ADCY3: variants seen among roughly 807,000 people sequenced by gnomAD.
ADCY3 encodes the protein adenylate cyclase type 3.
ADCY3 carries 70 observed loss-of-function variants against 119.4 expected under a neutral mutation model. The observed-to-expected ratio is 0.59, with a 90% CI of 0.48 to 0.72. The LOEUF is 0.72. Among genes scored for constraint, ADCY3 ranks in the 30% least tolerant of loss-of-function variants. ADCY3 has a pLI of 0.00. For synonymous variants in ADCY3, 672 were observed against 621.4 expected, an observed-to-expected ratio of 1.08 and a Z score of -1.21; for missense variants, 1,238 against 1,541.6, an observed-to-expected ratio of 0.80 and a Z score of 3.30.
chr2:24,831,585 T>TC (rs1358544598), intron 12 of ADCY3, 77 bp downstream of exon 12: 1 of 1,152,426 alleles, frequency 8.7e-7, no homozygotes, highest in African/African-American at 1.5e-5. Context: ...AAAGAATAAC[T>TC]CCATCACTGC....
rs1041723231 is a variant in ADCY3 at position 24,872,413 on chromosome 2, G to C, written c.825+157C>G. Among the ~76,000 whole-genome samples the C allele has an allele frequency of 2.6e-5, 4 of 152,214 alleles. No individual in the cohort carries two copies. The highest frequency in any genetic ancestry group is 9.6e-5 in the African/African-American group (4 of 41,462). ...TCAGAAGCTGCCCTCTAATAGTGAG[G>C]AGCCCAGAAGACAAAGTTCAGAAGC... On this transcript the variant is annotated intron_variant, in intron 3 of 21. Coordinates refer to ENST00000679454, the MANE Select transcript of ADCY3 (RefSeq NM_004036.5). The surrounding 1 kb of genome is among the most constrained non-coding windows in gnomAD (Gnocchi z 4.4).
At chr2:24,855,197 C>G (rs547294523) in intron 3 of ADCY3, among the ~76,000 whole-genome samples, 5 of 150,916 alleles carry the variant, frequency 3.3e-5, no homozygotes, top group African/African-American at 9.8e-5. Flanking sequence ...AGGTCCCCCC[C>G]ACCCCCTTCT....
At chr2:24,879,815 G>A (rs1048870537) in intron 2 of ADCY3, among the ~76,000 whole-genome samples, 5 of 152,086 alleles carry the variant, frequency 3.3e-5, no homozygotes, top group African/African-American at 7.2e-5. Context: ...TGTGATGGGT[G>A]TCTGCCAAGG....
chr2:24,914,485 C>T (rs1664192970), intron 2 of ADCY3, among the ~76,000 whole-genome samples: 1 of 152,078 alleles, frequency 6.6e-6, no homozygotes, highest in Non-Finnish European at 1.5e-5. Flanking sequence ...CCAGCCTGGC[C>T]AACATGGTGA....
chr2:24,882,041 C>A (rs1040542456), intron 2 of ADCY3, among the ~76,000 whole-genome samples: 2 of 152,212 alleles, frequency 1.3e-5, no homozygotes, highest in African/African-American at 4.8e-5. Flanking sequence ...TTTTTCTTGA[C>A]CTTTTCTACC....
chr2:24,882,677 T>C (rs1200748531), intron 2 of ADCY3, among the ~76,000 whole-genome samples: 2 of 152,210 alleles, frequency 1.3e-5, no homozygotes, highest in South Asian at 2.1e-4. Flanking sequence ...TTCAACTCTA[T>C]TGAATACTCT....
rs142093233 is a variant in ADCY3 at position 24,837,026 on chromosome 2, G to C, written c.1553C>G (p.Pro518Arg). The change falls in exon 9 of 22, where the codon CCA becomes CGA. Residue 518 changes from proline (P) to arginine (R), a missense_variant. Pro to Arg is a moderately radical substitution (Grantham distance 103). Transcript: ENST00000679454. ...AGGGGAGCTGGACTTTGAGGAAGCT[G>C]GTGCTCCATTGGGCAGGGCCTAGAG... ...LNGSALPNGA[P>R]ASSKSSSPAL... 6.1e-5 allele frequency: 98 copies of C among 1,614,058 alleles called. No individual in the cohort carries two copies. The African/African-American group carries it at 1.2e-3, about 20-fold the overall frequency.
At chr2:24,855,619 C>T (rs753984085) in intron 3 of ADCY3, among the ~76,000 whole-genome samples, 1 of 152,126 alleles carries the variant, frequency 6.6e-6, no homozygotes, top group Non-Finnish European at 1.5e-5. Flanking sequence ...AAGTCAAGGC[C>T]CTGACCCTCT....
At chr2:24,905,294 C>T (rs1410651696) in intron 2 of ADCY3, among the ~76,000 whole-genome samples, 4 of 152,026 alleles carry the variant, frequency 2.6e-5, no homozygotes, top group South Asian at 2.1e-4. Flanking sequence ...CCACCACACC[C>T]GGCTGATTTT....
intron 3 of ADCY3, among the ~76,000 whole-genome samples, chr2:24,844,865 T>C (rs988238778): frequency 1.2e-4 from 18 of 152,196 alleles, no homozygotes; most frequent in Non-Finnish European, 7.3e-5. Flanking sequence ...GAATTGTATC[T>C]CCCAGAATTC....
At chr2:24,865,637 T>G (rs1270082831) in intron 3 of ADCY3, among the ~76,000 whole-genome samples, 3 of 151,936 alleles carry the variant, frequency 2.0e-5, no homozygotes, top group Non-Finnish European at 4.4e-5. Context: ...GTGGGATGAC[T>G]TACTTTTCCT....
chr2:24,867,504 T>C (rs1344839), intron 3 of ADCY3, among the ~76,000 whole-genome samples: 7,079 of 152,268 alleles, frequency 0.046, 544 homozygotes, highest in African/African-American at 0.16. Context: ...GGTGCCTTGA[T>C]CTTGGACTTC....
intron 3 of ADCY3, among the ~76,000 whole-genome samples, chr2:24,869,068 A>G (rs1369465235): frequency 6.6e-6 from 1 of 152,208 alleles, no homozygotes; most frequent in Non-Finnish European, 1.5e-5. Flanking sequence ...CAAAGAAAGC[A>G]ACAAAGATTA....
intron 12 of ADCY3, among the ~76,000 whole-genome samples, 170 bp from the exon 13 acceptor site, chr2:24,830,995 G>A (rs555211275): frequency 2.0e-5 from 3 of 152,154 alleles, no homozygotes; most frequent in Non-Finnish European, 2.9e-5. Flanking sequence ...AGAAGAGGGC[G>A]TGGGAGTTCT....
chr2:24,830,456 G>A (rs1669332215), intron 13 of ADCY3, among the ~76,000 whole-genome samples: 1 of 152,166 alleles, frequency 6.6e-6, no homozygotes, highest in African/African-American at 2.4e-5. Flanking sequence ...GCACAGGCCT[G>A]GGCACATGGA....
chr2:24,853,507 T>C (rs1672637410), intron 3 of ADCY3, among the ~76,000 whole-genome samples: 1 of 145,890 alleles, frequency 6.9e-6, no homozygotes. Flanking sequence ...CATCGCTCTG[T>C]CACCCAGGCT....
At position 24,830,840 on chromosome 2, in the gene ADCY3, A is replaced by AT. The variant is rs1325687877; in HGVS notation, c.2056-16dup. 1 of 1,599,634 alleles carries AT rather than the reference A, an allele frequency of 6.3e-7. No homozygotes were observed. Among genetic ancestry groups the AT allele is most frequent in the African/African-American group, 1.3e-5 (1 of 74,632 alleles). ...TTAGGAAAGGCCTAGAAGGAACAGA[A>AT]TTTCAAGGGCCATGAGCCTTTGCCA... On this transcript the variant is annotated splice_polypyrimidine_tract_variant and intron_variant, in intron 12 of 21. Coordinates refer to ENST00000679454, the MANE Select transcript of ADCY3 (RefSeq NM_004036.5).
chr2:24,879,732 T>C (rs1676162060), intron 2 of ADCY3, among the ~76,000 whole-genome samples: 2 of 152,206 alleles, frequency 1.3e-5, no homozygotes, highest in Non-Finnish European at 2.9e-5. Flanking sequence ...CCAGCAGCGC[T>C]GAGACCGGAA....
intron 7 of ADCY3, among the ~76,000 whole-genome samples, chr2:24,839,488 C>T (rs528504212): frequency 3.9e-5 from 6 of 152,306 alleles, no homozygotes; most frequent in African/African-American, 1.4e-4. Context: ...ACGCTGCCTG[C>T]GAGCCCGCTA....
Sources: allele counts gnomAD v4.1 joint callset (sites outside exome capture counted in the v4.1 genomes callset), GRCh38; gene constraint gnomAD v4.1.1; non-coding constraint Gnocchi (gnomAD v3.1); transcripts MANE v1.5; gene names NCBI Gene and HGNC (gene_info 2026-07-23, HGNC 2026-07-21).